The following OR14A2 variants were observed in gnomAD, a reference collection of about 807,000 sequenced individuals.
The protein encoded by OR14A2 is olfactory receptor 14A2.
For missense variants in OR14A2, 237 were observed against 152.9 expected, an observed-to-expected ratio of 1.55 and a Z score of -2.90; for synonymous variants, 114 against 58.6, an observed-to-expected ratio of 1.95 and a Z score of -4.32.
chr1:247,746,016 A>G, the OR14A2 span, among the ~76,000 whole-genome samples: 1 of 152,134 alleles, frequency 6.6e-6, no homozygotes, highest in Non-Finnish European at 1.5e-5. Context: ...AAACAGGGAA[A>G]AACCATGGGC....
At chr1:247,729,796 C>T in the OR14A2 span, among the ~76,000 whole-genome samples, 7 of 151,852 alleles carry the variant, frequency 4.6e-5, no homozygotes, top group African/African-American at 7.3e-5. Context: ...CCCCATTGCT[C>T]GAGATCTACA....
exon 1 of OR14A2, chr1:247,723,344 T>G: frequency 1.4e-6 from 1 of 717,522 alleles, no homozygotes; most frequent in South Asian, 1.5e-5. Context: ...GAAAAAGCTT[T>G]GGACTGACCT....
At chr1:247,745,458 GA>G in the OR14A2 span, among the ~76,000 whole-genome samples, 1 of 150,518 alleles carries the variant, frequency 6.6e-6, no homozygotes, top group Admixed American at 6.6e-5. Context: ...GTAAAGGAGA[GA>G]AAAAAATCTT....
chr1:247,738,677 C>A, the OR14A2 span: 1 of 780,662 alleles, frequency 1.3e-6, no homozygotes, highest in Non-Finnish European at 2.4e-6. Flanking sequence ...ATTGGGTGCT[C>A]CTGAGGCTGC....
chr1:247,730,136 A>G, the OR14A2 span, among the ~76,000 whole-genome samples: 6 of 152,202 alleles, frequency 3.9e-5, no homozygotes, highest in South Asian at 1.0e-3. Context: ...TTATTAAATT[A>G]CAGGAGGTAC....
the OR14A2 span, among the ~76,000 whole-genome samples, chr1:247,747,430 CAGCTCACTGCA>C: frequency 6.6e-6 from 1 of 150,684 alleles, no homozygotes; most frequent in South Asian, 2.1e-4. Flanking sequence ...GGCGTGACCT[CAGCTCACTGCA>C]AGCTCTGCCT....
the OR14A2 span, chr1:247,738,891 C>T: frequency 2.6e-6 from 2 of 780,750 alleles, no homozygotes; most frequent in Admixed American, 1.7e-5. Flanking sequence ...CATCTCCTTC[C>T]TGGGGTGTGT....
At chr1:247,727,747 A>G (rs892344727), upstream of OR14A2, among the ~76,000 whole-genome samples, 14 of 149,048 alleles carry the variant, frequency 9.4e-5, no homozygotes, top group Admixed American at 5.3e-4. Flanking sequence ...GGATATCACC[A>G]CCGATCCCAC....
chr1:247,723,397 TAA>T lies in OR14A2; in HGVS notation c.645_646del (p.Tyr216HisfsTer14). 1.4e-6 allele frequency: 1 copy of T among 717,594 alleles called. No homozygotes were observed. Among genetic ancestry groups the T allele is most frequent in the Non-Finnish European group, 2.6e-6 (1 of 385,102 alleles). 44.5% of individuals were successfully genotyped at this position (717,594 alleles called of 1,614,324 possible). The stretch of plus-strand genomic sequence containing the variant: ...CAGTACAGTGGAGAAGATATAAATG[TAA>T]GAGATCACAATACAGATGAAACAAG... On this transcript the variant is annotated frameshift_variant, in exon 1 of 1. Transcript: ENST00000366485. LOFTEE classifies it low-confidence loss of function (END_TRUNC).
exon 1 of OR14A2, chr1:247,723,319 T>G (rs998734545): frequency 1.8e-5 from 13 of 717,212 alleles, no homozygotes; most frequent in Admixed American, 6.0e-5. Context: ...AACAGTGAGA[T>G]GGGGGAAGCA....
At chr1:247,725,731 T>C (rs1178994898), upstream of OR14A2, among the ~76,000 whole-genome samples, 1 of 129,258 alleles carries the variant, frequency 7.7e-6, no homozygotes, top group African/African-American at 2.9e-5. Flanking sequence ...CCTTCCTGTG[T>C]CCATGTGATC....
upstream of OR14A2, among the ~76,000 whole-genome samples, chr1:247,724,789 T>C (rs1248705421): frequency 6.6e-6 from 1 of 152,158 alleles, no homozygotes; most frequent in Non-Finnish European, 1.5e-5. Context: ...TAAAGGAATT[T>C]TGACAGGGCA....
upstream of OR14A2, chr1:247,724,125 A>G (rs553806934): frequency 2.3e-5 from 14 of 607,332 alleles, no homozygotes; most frequent in African/African-American, 2.4e-4. Context: ...AAATTAGTCT[A>G]TACAGACTAG....
chr1:247,739,452 C>A, the OR14A2 span: 5 of 780,626 alleles, frequency 6.4e-6, no homozygotes, highest in African/African-American at 6.8e-5. Context: ...TTCTGTCGCA[C>A]CTCCAACCTT....
the OR14A2 span, among the ~76,000 whole-genome samples, chr1:247,745,517 A>C: frequency 2.6e-5 from 4 of 152,142 alleles, no homozygotes; most frequent in African/African-American, 9.7e-5. Context: ...AAAGATCAGT[A>C]GATTTAACTA....
the OR14A2 span, among the ~76,000 whole-genome samples, chr1:247,730,985 G>A: frequency 0.02 from 3,063 of 152,088 alleles, 121 homozygotes; most frequent in African/African-American, 0.069. Context: ...AGCTACTTGG[G>A]CACTGTTTAG....
At chr1:247,724,999 A>G (rs1660302510), upstream of OR14A2, among the ~76,000 whole-genome samples, 1 of 151,968 alleles carries the variant, frequency 6.6e-6, no homozygotes, top group South Asian at 2.1e-4. Flanking sequence ...CAGACATCAA[A>G]CTAGATGGTA....
the OR14A2 span, among the ~76,000 whole-genome samples, chr1:247,745,866 G>GT: frequency 1.3e-5 from 2 of 152,062 alleles, no homozygotes; most frequent in Non-Finnish European, 1.5e-5. Flanking sequence ...GAAATAATCT[G>GT]TTTTTTTGAG....
the OR14A2 span, among the ~76,000 whole-genome samples, chr1:247,743,045 T>C: frequency 1.3e-5 from 2 of 152,254 alleles, no homozygotes; most frequent in African/African-American, 4.8e-5. Context: ...TCGATTCATT[T>C]ATTGGAACAT....
Sources: gnomAD v4.1 joint callset for allele counts (sites outside exome capture counted in the v4.1 genomes callset) on GRCh38, gnomAD v4.1.1 for gene constraint, MANE v1.5 for transcripts, NCBI Gene and HGNC (gene_info 2026-07-23, HGNC 2026-07-21) for gene names.